Variants in FAT1 observed in about 807,000 individuals in gnomAD.
FAT1 encodes protocadherin Fat 1.
FAT1 carries 171 observed loss-of-function variants against 329.8 expected under a neutral mutation model. The observed-to-expected ratio is 0.52, with a 90% CI of 0.46 to 0.59. FAT1 has a LOEUF of 0.59. Ranked by LOEUF, FAT1 falls within the 20% of genes least tolerant of loss-of-function variation. The pLI is 0.00. For missense variants in FAT1, 5,672 were observed against 5,774.4 expected (o/e 0.98, Z 0.57); for synonymous variants, 2,233 against 2,228.6 (o/e 1.00, Z -0.06).
chr4:186,645,920 T>C (rs1357080297), intron 3 of FAT1, among the ~76,000 whole-genome samples: 1 of 131,616 alleles, frequency 7.6e-6, no homozygotes, highest in Non-Finnish European at 1.5e-5. Context: ...CAATTGAGCT[T>C]AGGTTACAGA....
At chr4:186,591,683 G>A (rs1224055700) in intron 26 of FAT1, among the ~76,000 whole-genome samples, 2 of 152,172 alleles carry the variant, frequency 1.3e-5, no homozygotes, top group Non-Finnish European at 2.9e-5. Context: ...CAAAATACAG[G>A]TATGTTTCTG....
intron 2 of FAT1, among the ~76,000 whole-genome samples, chr4:186,690,665 G>A (rs1168611922): frequency 6.6e-6 from 1 of 152,000 alleles, no homozygotes; most frequent in Non-Finnish European, 1.5e-5. Context: ...ACTCCAGCCT[G>A]GGCGACAGAG....
chr4:186,603,449 C>T lies in FAT1; in HGVS notation c.11077G>A (p.Asp3693Asn), dbSNP rs374674634. 7.4e-6 allele frequency: 12 copies of T among 1,613,962 alleles called. No homozygotes were observed. Among genetic ancestry groups the T allele is most frequent in the Non-Finnish European group, 1.0e-5 (12 of 1,179,884 alleles). The change falls in exon 19 of 27, where the codon GAC (aspartate) becomes AAC (asparagine). Residue 3693 changes from aspartate (D) to asparagine (N), a missense_variant. This residue lies in a region of FAT1 where 1,706 missense variants were observed against 1,859.1 expected (regional missense o/e 0.92). Transcript: ENST00000441802. ...GGTTTCTCTACAAAAAGTAAGACGT[C>T]CAGATGTGGGTGAGGTTCAGAGGAC... ...LQSSEPHPHL[D>N]VLLFVEKPGS... is the part of the protein sequence containing the mutation.
intron 26 of FAT1, chr4:186,590,778 G>A (rs531105336): frequency 1.9e-5 from 8 of 411,344 alleles, no homozygotes; most frequent in South Asian, 1.4e-4. Context: ...GATTACATAG[G>A]TGATAATCCA....
chr4:186,598,875 G>A (rs1366256179), intron 22 of FAT1: 1 of 152,472 alleles, frequency 6.6e-6, no homozygotes, highest in East Asian at 1.9e-4. Context: ...CAGGTGGTGT[G>A]GCAGATCTTC....
At chr4:186,650,715 G>GA (rs1427755232) in intron 3 of FAT1, among the ~76,000 whole-genome samples, 4 of 152,110 alleles carry the variant, frequency 2.6e-5, no homozygotes, top group Non-Finnish European at 5.9e-5. Flanking sequence ...CTAATACCAG[G>GA]AAAAATGAAC....
rs1014835160 is a variant in FAT1 at position 186,708,660 on chromosome 4, T to C, written c.1168A>G (p.Lys390Glu). 7.4e-6 allele frequency: 12 copies of C among 1,613,814 alleles called. No homozygotes were observed. The highest frequency in any genetic ancestry group is 1.1e-5 in the South Asian group (1 of 91,084). ...APPNTPVVMV[K>E]AIPAYSHLRY... is the part of the protein sequence containing the mutation. ...AAATGGGAATAAGCAGGAATGGCCT[T>C]TACCATGACCACAGGTGTGTTGGGA... Residue 390 changes from lysine (K) to glutamate (E), a missense_variant, in exon 2 of 27, where the codon AAG becomes GAG. Around this residue, in one of 2 missense-constraint regions of FAT1, gnomAD observed 3,966 missense variants for 3,915.2 expected, o/e 1.01. Transcript: ENST00000441802.
intron 2 of FAT1, among the ~76,000 whole-genome samples, chr4:186,701,189 T>C (rs1373441452): frequency 6.6e-6 from 1 of 152,172 alleles, no homozygotes; most frequent in Non-Finnish European, 1.5e-5. Context: ...TCCTTAGGAT[T>C]TCGACTAGAT....
chr4:186,645,815 G>A (rs61168613), intron 3 of FAT1, among the ~76,000 whole-genome samples: 4,003 of 151,304 alleles, frequency 0.026, 72 homozygotes, highest in Middle Eastern at 0.085. Flanking sequence ...GTGTGGTGGC[G>A]TGCACCTGTA....
intron 17 of FAT1, 134 bp from the exon 18 acceptor site, chr4:186,604,708 G>A (rs370599145): frequency 5.4e-5 from 31 of 573,400 alleles, no homozygotes; most frequent in Non-Finnish European, 8.4e-5. Flanking sequence ...GAAAGGAAGA[G>A]AAGAAAGGTG....
Position 186,706,939 on chromosome 4 carries a change from T to G in FAT1, c.2889A>C (p.Arg963Ser), listed in dbSNP as rs1299682439. The G allele has an allele frequency of 1.2e-6, 2 of 1,613,908 alleles. No individual in the cohort carries two copies. Among genetic ancestry groups the G allele is most frequent in the African/African-American group, 2.7e-5 (2 of 74,932 alleles). Reference protein sequence around the residue: ...DPDLGQSGQVRYSLLDHGEGN... With the variant: ...DPDLGQSGQVSYSLLDHGEGN... ...CTTCTCCGTGGTCCAGAAGGCTGTATCTCACCTGACCAGACTGACCTAAAT... is the reference window on the plus strand; with the variant it reads ...CTTCTCCGTGGTCCAGAAGGCTGTAGCTCACCTGACCAGACTGACCTAAAT... The change falls in exon 2 of 27, where the codon AGA becomes AGC. Residue 963 changes from arginine (R) to serine (S), a missense_variant. Around this residue, in one of 2 missense-constraint regions of FAT1, gnomAD observed 3,966 missense variants for 3,915.2 expected, o/e 1.01. Transcript: ENST00000441802.
intron 2 of FAT1, among the ~76,000 whole-genome samples, chr4:186,675,780 AAAACAC>A (rs926970897): frequency 7.8e-5 from 8 of 102,036 alleles, no homozygotes; most frequent in African/African-American, 2.6e-4. Context: ...GACCCTGTCT[AAAACAC>A]ACACACACAC....
At chr4:186,616,522 C>G (rs1289199442) in intron 11 of FAT1, among the ~76,000 whole-genome samples, 1 of 152,148 alleles carries the variant, frequency 6.6e-6, no homozygotes, top group Non-Finnish European at 1.5e-5. Context: ...CTCATCTAAC[C>G]TTGGAGGGAG....
At chr4:186,723,486 C>T (rs892448600) in intron 1 of FAT1, among the ~76,000 whole-genome samples, 178 bp downstream of exon 1, 5 of 152,204 alleles carry the variant, frequency 3.3e-5, no homozygotes, top group African/African-American at 4.8e-5. Flanking sequence ...CTAGCCAGTG[C>T]TGAATTTCCC....
At chr4:186,701,381 G>C (rs1486510185) in intron 2 of FAT1, among the ~76,000 whole-genome samples, 3 of 152,156 alleles carry the variant, frequency 2.0e-5, no homozygotes, top group Admixed American at 6.5e-5. Context: ...CCCTGTGGCT[G>C]GGAAACGAGC....
At position 186,613,316 on chromosome 4, in the gene FAT1, C is replaced by A. The variant is rs757956307; in HGVS notation, c.9256G>T (p.Asp3086Tyr). ...TGELKTSTPL[D>Y]REEQAVYHLL... ...TGATAAACAGCTTGCTCCTCACGATCAAGGGGGGTTGACGTTTTCAGTTCA... is the reference window on the plus strand; with the variant it reads ...TGATAAACAGCTTGCTCCTCACGATAAAGGGGGGTTGACGTTTTCAGTTCA... The change falls in exon 13 of 27, where the codon GAT becomes TAT. Residue 3086 changes from aspartate to tyrosine, a missense_variant. Asp to Tyr is a radical substitution (Grantham distance 160, BLOSUM62 -3). This residue lies in a region of FAT1 where 3,966 missense variants were observed against 3,915.2 expected (regional missense o/e 1.01). Transcript: ENST00000441802. The A allele has an allele frequency of 1.2e-6, 2 of 1,613,992 alleles. No homozygotes were observed. The highest frequency in any genetic ancestry group is 1.1e-5 in the South Asian group (1 of 91,086).
intron 22 of FAT1, among the ~76,000 whole-genome samples, chr4:186,599,260 A>G (rs3775310): frequency 0.016 from 2,461 of 152,302 alleles, 39 homozygotes; most frequent in East Asian, 0.044. Context: ...AAGCTTTGGA[A>G]ATCCCACTTA....
intron 3 of FAT1, among the ~76,000 whole-genome samples, chr4:186,649,027 T>C (rs1244104273): frequency 2.0e-5 from 3 of 152,150 alleles, no homozygotes; most frequent in Admixed American, 6.5e-5. Context: ...AGAAACACAA[T>C]AGGACTATGG....
chr4:186,706,906 G>A lies in FAT1; in HGVS notation c.2922C>T (p.Phe974=), dbSNP rs773046409. 26 of 1,613,832 alleles carry A rather than the reference G, an allele frequency of 1.6e-5. 1 individual carries two copies. The highest frequency in any genetic ancestry group is 9.9e-5 in the South Asian group (9 of 91,060). ...YSLLDHGEGN[F]DVDKLSGAVR... is the part of the protein sequence containing the mutation. ...CTGCTCCACTGAGTTTATCCACATC[G>A]AAGTTTCCTTCTCCGTGGTCCAGAA... Residue 974 remains phenylalanine, a synonymous_variant, in exon 2 of 27, where the codon TTC becomes TTT. Coordinates refer to ENST00000441802, the MANE Select transcript of FAT1 (RefSeq NM_005245.4).
Sources: allele counts gnomAD v4.1 joint callset (sites outside exome capture counted in the v4.1 genomes callset), GRCh38; gene constraint gnomAD v4.1.1; regional missense constraint gnomAD v4.1.1; transcripts MANE v1.5; gene names NCBI Gene and HGNC (gene_info 2026-07-23, HGNC 2026-07-21).